The following RALGPS1 variants were observed in gnomAD, a reference collection of about 807,000 sequenced individuals.
The protein encoded by RALGPS1 is Ral GEF with PH domain and SH3 binding motif 1, also known as ras-specific guanine nucleotide-releasing factor RalGPS1.
RALGPS1 carries 19 observed loss-of-function variants against 78.8 expected under a neutral mutation model. The observed-to-expected ratio is 0.24, with a 90% CI of 0.17 to 0.35. RALGPS1 has a LOEUF of 0.35. Ranked by LOEUF, RALGPS1 falls within the 10% of genes least tolerant of loss-of-function variation. The pLI is 1.00. For missense variants in RALGPS1, 454 were observed against 688.3 expected, an observed-to-expected ratio of 0.66 and a Z score of 3.81; for synonymous variants, 228 against 256.3, an observed-to-expected ratio of 0.89 and a Z score of 1.06.
intron 1 of RALGPS1, among the ~76,000 whole-genome samples, chr9:126,938,138 G>A (rs996303301): frequency 2.6e-5 from 4 of 152,158 alleles, no homozygotes; most frequent in South Asian, 2.1e-4. Context: ...TACATACAAT[G>A]CCATTTTCTG....
intron 8 of RALGPS1, 143 bp from the exon 9 acceptor site, chr9:127,165,926 G>A (rs1306669174): frequency 1.6e-6 from 2 of 1,271,900 alleles, no homozygotes; most frequent in Non-Finnish European, 1.0e-6. Context: ...TTAGTAATCA[G>A]GATTGGAATT....
intron 4 of RALGPS1, among the ~76,000 whole-genome samples, chr9:127,001,098 C>G (rs1385171316): frequency 7.7e-6 from 1 of 130,598 alleles, no homozygotes; most frequent in Non-Finnish European, 1.5e-5. Flanking sequence ...CAAAACAAAA[C>G]AAAACAAAAC....
At chr9:126,927,787 A>C (rs546504157) in intron 1 of RALGPS1, among the ~76,000 whole-genome samples, 1 of 152,098 alleles carries the variant, frequency 6.6e-6, no homozygotes, top group Non-Finnish European at 1.5e-5. Flanking sequence ...TGGATCTGCA[A>C]CCTCAGGGAT....
At chr9:127,188,842 A>T (rs2060844621) in intron 11 of RALGPS1, among the ~76,000 whole-genome samples, 1 of 147,978 alleles carries the variant, frequency 6.8e-6, no homozygotes, top group South Asian at 2.3e-4. Context: ...TAAAAAAAAA[A>T]AAAAAAATGT....
At chr9:127,173,810 C>G (rs2059689981) in intron 10 of RALGPS1, among the ~76,000 whole-genome samples, 2 of 152,098 alleles carry the variant, frequency 1.3e-5, no homozygotes, top group South Asian at 4.1e-4. Context: ...CTCAGGAGTT[C>G]GAGACCAACC....
At position 126,942,763 on chromosome 9, in the gene RALGPS1, A is replaced by G. The variant is rs560989390; in HGVS notation, c.-65-19462A>G. 3.7e-3 allele frequency among the ~76,000 whole-genome samples: 563 copies of G among 152,356 alleles called. 2 individuals carry two copies. The highest frequency in any genetic ancestry group is 6.6e-3 in the Non-Finnish European group (449 of 68,032). On this transcript the variant is annotated intron_variant, in intron 1 of 18. Coordinates refer to ENST00000259351, the MANE Select transcript of RALGPS1 (RefSeq NM_014636.3). ...TTTGGAGTGAACTTACATTTTATTT[A>G]TAGATTGATTGGGTGGAATTGATGG...
chr9:126,944,141 A>G (rs1397297884), intron 1 of RALGPS1, among the ~76,000 whole-genome samples: 1 of 152,238 alleles, frequency 6.6e-6, no homozygotes, highest in African/African-American at 2.4e-5. Flanking sequence ...TGTATGGGAC[A>G]TGCAGGCCTG....
At chr9:127,026,730 C>T (rs1589095018) in intron 4 of RALGPS1, among the ~76,000 whole-genome samples, 1 of 152,074 alleles carries the variant, frequency 6.6e-6, no homozygotes, top group Non-Finnish European at 1.5e-5. Flanking sequence ...GACTTTTTTC[C>T]CCTGGCTTTT....
intron 8 of RALGPS1, among the ~76,000 whole-genome samples, chr9:127,143,646 G>T (rs530060694): frequency 6.6e-6 from 1 of 152,190 alleles, no homozygotes; most frequent in South Asian, 2.1e-4. Context: ...AATAGACTTG[G>T]TGACACCTCT....
chr9:126,920,739 C>T (rs373634163), intron 1 of RALGPS1, among the ~76,000 whole-genome samples: 2 of 152,316 alleles, frequency 1.3e-5, no homozygotes, highest in East Asian at 3.9e-4. Context: ...GTAATGGATG[C>T]TGGACACATG....
intron 4 of RALGPS1, among the ~76,000 whole-genome samples, chr9:127,013,553 T>A (rs1239606583): frequency 6.6e-6 from 1 of 152,130 alleles, no homozygotes; most frequent in African/African-American, 2.4e-5. Flanking sequence ...TCCACCTGTC[T>A]GTCCCCAGTG....
In RALGPS1 at chr9:127,091,967, T is replaced by A; in HGVS notation, c.610+22611T>A. 1 of 1,607,018 alleles carries A rather than the reference T, an allele frequency of 6.2e-7. No individual in the cohort carries two copies. Among genetic ancestry groups the A allele is most frequent in the Non-Finnish European group, 8.5e-7 (1 of 1,175,056 alleles). On this transcript the variant is annotated intron_variant, in intron 8 of 18. Coordinates refer to ENST00000259351, the MANE Select transcript of RALGPS1 (RefSeq NM_014636.3). This position sits in a 1 kb window ranked among gnomAD's most constrained non-coding sequence, Gnocchi z 4.3. ...TGGGGAAAACCCAGGAGAGTGTTAA[T>A]GTGGAGCCTGCAGCACCTGCAGCCA...
intron 17 of RALGPS1, among the ~76,000 whole-genome samples, chr9:127,213,599 A>G (rs1588604586): frequency 6.6e-6 from 1 of 152,346 alleles, no homozygotes; most frequent in East Asian, 1.9e-4. Context: ...CCCTGTCTTC[A>G]CTGACATTCA....
At chr9:127,162,738 A>T (rs1331620435) in intron 8 of RALGPS1, among the ~76,000 whole-genome samples, 1 of 152,090 alleles carries the variant, frequency 6.6e-6, no homozygotes, top group African/African-American at 2.4e-5. Context: ...CCACTCAGGG[A>T]TCCACTTCCA....
At chr9:127,094,369 C>T (rs2136520984) in intron 8 of RALGPS1, among the ~76,000 whole-genome samples, 1 of 151,740 alleles carries the variant, frequency 6.6e-6, no homozygotes, top group South Asian at 2.1e-4. Flanking sequence ...TCAGTGCCTG[C>T]AGGCTCTGAT....
At chr9:126,987,570 G>A (rs951125253) in intron 4 of RALGPS1, among the ~76,000 whole-genome samples, 1 of 152,162 alleles carries the variant, frequency 6.6e-6, no homozygotes, top group Non-Finnish European at 1.5e-5. Flanking sequence ...TTCCCTTGCC[G>A]ACTGGCAGCT....
chr9:127,002,650 T>C (rs1369149768), intron 4 of RALGPS1, among the ~76,000 whole-genome samples: 1 of 136,218 alleles, frequency 7.3e-6, no homozygotes, highest in African/African-American at 2.7e-5. Flanking sequence ...CCTGTGTCCA[T>C]GTGATCTCAT....
intron 4 of RALGPS1, among the ~76,000 whole-genome samples, chr9:127,018,119 G>A (rs900483612): frequency 2.0e-5 from 3 of 152,136 alleles, no homozygotes; most frequent in Non-Finnish European, 2.9e-5. Flanking sequence ...AGGAGGCTGA[G>A]GCAGGAGAAT....
rs148542893 is a variant in RALGPS1 at position 127,035,445 on chromosome 9, A to G, written c.300+931A>G. Among the ~76,000 whole-genome samples, 13 of 152,240 alleles carry G rather than the reference A, an allele frequency of 8.5e-5. 1 individual carries two copies. The highest frequency in any genetic ancestry group is 6.5e-4 in the Admixed American group (10 of 15,294). ...TCAGGAGAAAGCATGCAAACCCCCA[A>G]ATTGTACTGTTGTACTGTTGACAGA... On this transcript the variant is annotated intron_variant, in intron 5 of 18. Transcript: ENST00000259351.
Sources: gnomAD v4.1 joint callset for allele counts (sites outside exome capture counted in the v4.1 genomes callset) on GRCh38, gnomAD v4.1.1 for gene constraint, Gnocchi (gnomAD v3.1) non-coding constraint, MANE v1.5 for transcripts, NCBI Gene and HGNC (gene_info 2026-07-23, HGNC 2026-07-21) for gene names.